Variants in CCDC3 observed in about 807,000 individuals in gnomAD.
The protein encoded by CCDC3 is coiled-coil domain-containing protein 3.
A neutral mutation model predicts 21.4 loss-of-function variants in CCDC3; 24 were observed. The ratio of observed to expected loss-of-function variants is 1.12; its 90% CI spans 0.81 to 1.58. The LOEUF is 1.58. Ranked by LOEUF, CCDC3 falls within the 40% of genes most tolerant of loss-of-function variation. The pLI is 0.00. For synonymous variants in CCDC3, 186 were observed against 166.0 expected, an observed-to-expected ratio of 1.12 and a Z score of -0.93; for missense variants, 425 against 360.9, an observed-to-expected ratio of 1.18 and a Z score of -1.44.
intron 5 of CCDC3, among the ~76,000 whole-genome samples, chr10:13,007,371 A>G (rs1835937168): frequency 6.6e-6 from 1 of 152,226 alleles, no homozygotes; most frequent in African/African-American, 2.4e-5. Context: ...CCAATCAAGT[A>G]AGCTATTAGA....
intron 2 of CCDC3, among the ~76,000 whole-genome samples, chr10:12,955,731 G>T (rs547260329): frequency 2.6e-5 from 4 of 151,346 alleles, no homozygotes; most frequent in Non-Finnish European, 5.9e-5. Flanking sequence ...TTTTGTGTTT[G>T]TTTTTTGTTG....
chr10:12,908,608 T>C (rs1441395563), intron 2 of CCDC3, among the ~76,000 whole-genome samples: 1 of 123,458 alleles, frequency 8.1e-6, no homozygotes, highest in East Asian at 2.6e-4. Flanking sequence ...GAACTGTGAT[T>C]TTTCTTTTTT....
At chr10:13,074,146 TATATA>T (rs1327282005) in intron 3 of CCDC3, 51 of 18,308 alleles carry the variant, frequency 2.8e-3, no homozygotes, top group African/African-American at 7.6e-3. Context: ...TATATATATA[TATATA>T]TATTTTTTTT....
chr10:12,970,390 T>C (rs1158694234), intron 2 of CCDC3, among the ~76,000 whole-genome samples: 1 of 152,080 alleles, frequency 6.6e-6, no homozygotes, highest in Admixed American at 6.6e-5. Flanking sequence ...CCATCGTAAG[T>C]TGAGGTACAT....
intron 2 of CCDC3, among the ~76,000 whole-genome samples, chr10:12,943,201 G>C (rs574026800): frequency 6.6e-6 from 1 of 152,068 alleles, no homozygotes; most frequent in Non-Finnish European, 1.5e-5. Flanking sequence ...ATAATCTTTG[G>C]TTAAAGTTTG....
intron 4 of CCDC3, chr10:13,058,126 A>C: frequency 1.2e-6 from 1 of 851,952 alleles, no homozygotes; most frequent in South Asian, 1.3e-5. Flanking sequence ...TGTTTTCAGA[A>C]TCATAACCAG....
intron 2 of CCDC3, among the ~76,000 whole-genome samples, chr10:12,974,140 T>C (rs1008609440): frequency 6.6e-6 from 1 of 152,234 alleles, no homozygotes; most frequent in Non-Finnish European, 1.5e-5. Flanking sequence ...CCCAGCATTC[T>C]GAAATCTGCA....
Position 12,948,794 on chromosome 10 carries a change from C to A in CCDC3, c.549+49544G>T, listed in dbSNP as rs528646046. Among the ~76,000 whole-genome samples, 47 of 124,892 alleles carry A rather than the reference C, an allele frequency of 3.8e-4. 2 individuals are homozygous for A. In the South Asian group the frequency reaches 0.013, roughly 33 times the overall value. 81.9% of individuals were successfully genotyped at this position (124,892 alleles called of 152,430 possible). ...TTTGCCCAGGCTGGACTGCAGTGGC[C>A]TATCTCGGCTCACTGCAAGCTCCAC... is the stretch of plus-strand genomic sequence containing the variant. On this transcript the variant is annotated intron_variant, in intron 2 of 2. Coordinates refer to ENST00000378825, the MANE Select transcript of CCDC3 (RefSeq NM_031455.4).
At chr10:12,976,978 G>C (rs186113895) in intron 2 of CCDC3, among the ~76,000 whole-genome samples, 48 of 152,262 alleles carry the variant, frequency 3.2e-4, no homozygotes, top group Non-Finnish European at 1.2e-4. Flanking sequence ...TCCCCCACTC[G>C]AAAGTGTCTG....
chr10:13,008,344 C>T (rs1486274119), intron 5 of CCDC3, among the ~76,000 whole-genome samples: 2 of 152,158 alleles, frequency 1.3e-5, no homozygotes, highest in South Asian at 2.1e-4. Context: ...TGCAGAAGGG[C>T]AGCCCAAGCC....
chr10:12,966,444 C>T (rs1420286274), intron 2 of CCDC3, among the ~76,000 whole-genome samples: 1 of 152,286 alleles, frequency 6.6e-6, no homozygotes, highest in African/African-American at 2.4e-5. Context: ...GACCCTCACA[C>T]CCCTCCGGGA....
intron 3 of CCDC3, among the ~76,000 whole-genome samples, chr10:13,083,619 T>C (rs1837068710): frequency 6.6e-6 from 1 of 152,260 alleles, no homozygotes; most frequent in Non-Finnish European, 1.5e-5. Context: ...CTCACAGGCA[T>C]GTCCCAGCTC....
chr10:12,956,404 G>A (rs1351037218), intron 2 of CCDC3, among the ~76,000 whole-genome samples: 1 of 152,102 alleles, frequency 6.6e-6, no homozygotes, highest in Non-Finnish European at 1.5e-5. Flanking sequence ...CCGTGTCCCT[G>A]TCAGCACAGA....
At position 12,897,873 on chromosome 10, in the gene CCDC3, G is replaced by A. The variant is rs748464092; in HGVS notation, c.*543C>T. ...CTGCCTCAGCTGGAAGGAAAATGCT[G>A]GCTGGATAGGGAGGCCCTGCACGTG... On this transcript the variant is annotated 3_prime_UTR_variant, in exon 3 of 3. Transcript: ENST00000378825. The A allele has an allele frequency of 1.3e-5, 2 of 152,862 alleles. No individual in the cohort carries two copies. The highest frequency in any genetic ancestry group is 2.9e-5 in the Non-Finnish European group (2 of 68,534). 9.5% of individuals were successfully genotyped at this position (152,862 alleles called of 1,614,324 possible).
At position 13,001,497 on chromosome 10, in the gene CCDC3, G is replaced by T. The variant is rs902913195; in HGVS notation, c.74C>A (p.Pro25His). 9 of 1,340,886 alleles carry T rather than the reference G, an allele frequency of 6.7e-6. No homozygotes were observed. Among genetic ancestry groups the T allele is most frequent in the East Asian group, 6.2e-5 (2 of 32,106 alleles). The allele number at this position is 1,340,886 out of a possible 1,614,324, so 83.1% of individuals were successfully genotyped here. A position where few individuals can be genotyped will look rare whatever the true frequency, so the allele number is the denominator to read the frequency against. The change falls in exon 1 of 3, where the codon CCC becomes CAC. Residue 25 changes from proline to histidine, a missense_variant. Transcript: ENST00000378825. ...PPAPARACQL[P>H]SEWRPLSEGC... ...CTCGCTCAGGGGCCTCCACTCGGAG[G>T]GCAGCTGGCAGGCGCGCGCGGGCGC...
Position 13,001,513 on chromosome 10 carries a change from G to T in CCDC3, c.58C>A (p.Arg20Ser). 1 of 1,326,140 alleles carries T rather than the reference G, an allele frequency of 7.5e-7. No homozygotes were observed. Among genetic ancestry groups the T allele is most frequent in the South Asian group, 2.1e-5 (1 of 48,734 alleles). 82.1% of individuals were successfully genotyped at this position (1,326,140 alleles called of 1,614,324 possible). A position where few individuals can be genotyped will look rare whatever the true frequency, so the allele number is the denominator to read the frequency against. Residue 20 changes from arginine (R) to serine (S), a missense_variant, in exon 1 of 3, where the codon CGC becomes AGC. Physicochemically the swap from Arg to Ser is moderately radical, Grantham distance 110. Coordinates refer to ENST00000378825, the MANE Select transcript of CCDC3 (RefSeq NM_031455.4). ...CACTCGGAGGGCAGCTGGCAGGCGCGCGCGGGCGCTGGGGGACCCGCCAGG... is the reference window on the plus strand; with the variant it reads ...CACTCGGAGGGCAGCTGGCAGGCGCTCGCGGGCGCTGGGGGACCCGCCAGG... ...LCLAGPPAPA[R>S]ACQLPSEWRP... is the part of the protein sequence containing the mutation.
chr10:13,089,088 C>T (rs1588421969), intron 3 of CCDC3, among the ~76,000 whole-genome samples: 1 of 152,038 alleles, frequency 6.6e-6, no homozygotes, highest in South Asian at 2.1e-4. Context: ...GACAAATTCC[C>T]TCCTCAAATT....
intron 2 of CCDC3, among the ~76,000 whole-genome samples, chr10:12,921,939 G>T (rs1834458117): frequency 6.6e-6 from 1 of 152,088 alleles, no homozygotes; most frequent in Non-Finnish European, 1.5e-5. Flanking sequence ...TTGCCATGTT[G>T]CCTGGGCTGG....
At chr10:12,992,146 T>C (rs1261133983) in intron 2 of CCDC3, among the ~76,000 whole-genome samples, 2 of 151,854 alleles carry the variant, frequency 1.3e-5, no homozygotes, top group Admixed American at 6.6e-5. Context: ...TCCCAGCATT[T>C]TGGGAGGCTG....
Sources: allele counts gnomAD v4.1 joint callset (sites outside exome capture counted in the v4.1 genomes callset), GRCh38; gene constraint gnomAD v4.1.1; transcripts MANE v1.5; gene names NCBI Gene and HGNC (gene_info 2026-07-23, HGNC 2026-07-21).